The following MAMLD1 variants were observed in gnomAD, a reference collection of about 807,000 sequenced individuals.
MAMLD1 encodes mastermind-like domain-containing protein 1.
MAMLD1 carries 14 observed loss-of-function variants against 45.0 expected under a neutral mutation model. The ratio of observed to expected loss-of-function variants is 0.31; its 90% CI spans 0.21 to 0.49. MAMLD1 has a LOEUF of 0.49. Ranked by LOEUF, MAMLD1 falls within the 20% of genes least tolerant of loss-of-function variation. The pLI, the probability that MAMLD1 is intolerant of heterozygous loss-of-function variation, is 0.99. For missense variants in MAMLD1, 543 were observed against 603.6 expected (o/e 0.90, Z 1.05); for synonymous variants, 254 against 247.8 (o/e 1.02, Z -0.24).
At chrX:150,441,615 A>G (rs969367949) in intron 1 of MAMLD1, among the ~76,000 whole-genome samples, 3 of 111,353 alleles carry the variant, frequency 2.7e-5, no homozygotes, top group Admixed American at 9.6e-5. Context: ...TCTCTCTGTT[A>G]TTGTTTTCCA....
intron 1 of MAMLD1, among the ~76,000 whole-genome samples, chrX:150,434,142 TGTTATCAGCAATTTATCCATTTCTTCTA>T (rs1208690202): frequency 8.9e-6 from 1 of 111,983 alleles, no homozygotes; most frequent in African/African-American, 3.2e-5. Context: ...GGAGGTTGTA[TGTTATCAGCAATTTATCCATTTCTTCTA>T]GGTTTACTAG....
At chrX:150,374,748 A>C (rs1203497765) in intron 1 of MAMLD1, among the ~76,000 whole-genome samples, 2 of 111,839 alleles carry the variant, frequency 1.8e-5, no homozygotes, top group Non-Finnish European at 3.8e-5. Context: ...GTGTGTAGCC[A>C]GTCCAGTGCC....
intron 1 of MAMLD1, among the ~76,000 whole-genome samples, chrX:150,371,703 G>A (rs1283586410): frequency 5.4e-5 from 6 of 112,050 alleles, no homozygotes; most frequent in Admixed American, 9.4e-5. Flanking sequence ...ATTTGAATCC[G>A]AAATTCCACT....
intron 1 of MAMLD1, among the ~76,000 whole-genome samples, chrX:150,407,876 A>C (rs1458624279): frequency 8.9e-6 from 1 of 112,490 alleles, no homozygotes; most frequent in Admixed American, 9.4e-5. Context: ...TTGGGGAAAG[A>C]GTTTATAAAC....
intron 2 of MAMLD1, among the ~76,000 whole-genome samples, chrX:150,460,090 C>T (rs1438935555): frequency 2.7e-5 from 3 of 112,584 alleles, no homozygotes; most frequent in Non-Finnish European, 5.6e-5. Flanking sequence ...CTTAGTACCA[C>T]AATAGTCATT....
At chrX:150,487,838 C>A (rs782700873) in intron 5 of MAMLD1, among the ~76,000 whole-genome samples, 3 of 112,519 alleles carry the variant, frequency 2.7e-5, no homozygotes, top group Non-Finnish European at 5.6e-5. Flanking sequence ...TCCTCACTGA[C>A]GTGCTCCACC....
intron 3 of MAMLD1, among the ~76,000 whole-genome samples, chrX:150,463,206 C>G (rs1274413527): frequency 8.9e-6 from 1 of 112,323 alleles, no homozygotes; most frequent in Non-Finnish European, 1.9e-5. Flanking sequence ...TCAGGCAGCA[C>G]CTACTTCCTC....
rs1557406223 is a variant in MAMLD1 at position 150,469,831 on chromosome X, T to G, written c.258T>G (p.Pro86=). The change falls in exon 4 of 8, where the codon CCT becomes CCG. Residue 86 remains proline, a synonymous_variant. Coordinates refer to ENST00000370401, the MANE Select transcript of MAMLD1 (RefSeq NM_005491.5). The stretch of plus-strand genomic sequence containing the variant: ...GCTACCCTAATAAAATTAAGAGGCC[T>G]TGCCTTGAAGATGTCACCCTTGCAA... ...DGGYPNKIKR[P]CLEDVTLAMG... The G allele has an allele frequency of 8.3e-7, 1 of 1,211,724 alleles. No homozygotes were observed. Among genetic ancestry groups the G allele is most frequent in the Admixed American group, 2.2e-5 (1 of 46,069 alleles).
intron 5 of MAMLD1, among the ~76,000 whole-genome samples, chrX:150,476,216 G>A (rs1031157211): frequency 4.5e-5 from 5 of 111,364 alleles, no homozygotes; most frequent in African/African-American, 9.8e-5. Context: ...CCCAAATTGC[G>A]TCACTGAATT....
intron 1 of MAMLD1, among the ~76,000 whole-genome samples, chrX:150,368,054 T>C (rs1226496219): frequency 2.1e-4 from 23 of 111,702 alleles, no homozygotes; most frequent in Middle Eastern, 4.6e-3. Context: ...GCATGATTTA[T>C]AATCCTTTGG....
chrX:150,390,091 C>A (rs1250590399), intron 1 of MAMLD1, among the ~76,000 whole-genome samples: 1 of 111,140 alleles, frequency 9.0e-6, no homozygotes, highest in East Asian at 2.8e-4. Flanking sequence ...TTTTTTGAGA[C>A]AAATTTGCTG....
intron 1 of MAMLD1, among the ~76,000 whole-genome samples, chrX:150,430,294 T>G (rs782789925): frequency 9.1e-6 from 1 of 110,236 alleles, no homozygotes; most frequent in South Asian, 3.9e-4. Context: ...TCTGCCCGTT[T>G]TCTAATTAGA....
At chrX:150,413,611 T>C (rs1200074482) in intron 1 of MAMLD1, among the ~76,000 whole-genome samples, 12 of 108,035 alleles carry the variant, frequency 1.1e-4, no homozygotes, top group African/African-American at 4.1e-4. Context: ...CAGCAGCACC[T>C]GATGAATGCA....
intron 1 of MAMLD1, among the ~76,000 whole-genome samples, chrX:150,378,949 T>C (rs1251367215): frequency 1.8e-5 from 2 of 111,715 alleles, no homozygotes; most frequent in Non-Finnish European, 3.8e-5. Context: ...CTTCTTTTAG[T>C]GAAGAATGGT....
At chrX:150,482,351 G>A (rs929553884) in intron 5 of MAMLD1, among the ~76,000 whole-genome samples, 1 of 112,040 alleles carries the variant, frequency 8.9e-6, no homozygotes. Context: ...GAGTGACAGG[G>A]GCTAGGGGAG....
intron 1 of MAMLD1, among the ~76,000 whole-genome samples, chrX:150,423,403 C>T (rs1172164191): frequency 3.7e-5 from 3 of 81,995 alleles, no homozygotes; most frequent in South Asian, 6.8e-4. Flanking sequence ...TTTGGGGCTA[C>T]GGTTGAGCAG....
intron 1 of MAMLD1, among the ~76,000 whole-genome samples, chrX:150,424,905 T>C (rs185733263): frequency 1.8e-5 from 2 of 111,927 alleles, no homozygotes; most frequent in African/African-American, 6.5e-5. Flanking sequence ...CTCCCTTCCT[T>C]CCCCTAGCCC....
At chrX:150,504,304 G>A (rs1557408721) in intron 6 of MAMLD1, 1 of 751,218 alleles carries the variant, frequency 1.3e-6, no homozygotes, top group Non-Finnish European at 1.6e-6. Context: ...TGCACTATCT[G>A]CAGAGAAAAC....
intron 1 of MAMLD1, among the ~76,000 whole-genome samples, chrX:150,392,743 T>G (rs1297738897): frequency 9.2e-6 from 1 of 108,594 alleles, no homozygotes; most frequent in African/African-American, 3.3e-5. Context: ...GTCCTTTTAC[T>G]AGGGGAAAAG....
Sources: allele counts gnomAD v4.1 joint callset (sites outside exome capture counted in the v4.1 genomes callset), GRCh38; gene constraint gnomAD v4.1.1; transcripts MANE v1.5; gene names NCBI Gene and HGNC (gene_info 2026-07-23, HGNC 2026-07-21).